The following RYR2 variants were observed in gnomAD, a reference collection of about 807,000 sequenced individuals.
RYR2 encodes the protein cardiac muscle ryanodine receptor-calcium release channel.
Under a neutral mutation model 601.1 loss-of-function variants are expected in RYR2, and 227 were observed. The ratio of observed to expected loss-of-function variants is 0.38; its 90% confidence interval spans 0.34 to 0.42. RYR2 has a LOEUF of 0.42. Among genes scored for constraint, RYR2 ranks in the 10% least tolerant of loss-of-function variants. The probability of loss-of-function intolerance (pLI) is 1.00; values close to 1 mark genes in which losing one functional copy is unlikely to be tolerated. For missense variants in RYR2, 4,646 were observed against 6,156.5 expected, an observed-to-expected ratio of 0.75 and a Z score of 8.21; for synonymous variants, 2,223 against 2,175.1, an observed-to-expected ratio of 1.02 and a Z score of -0.61.
intron 66 of RYR2, among the ~76,000 whole-genome samples, chr1:237,704,261 A>C (rs532727980): frequency 6.6e-6 from 1 of 152,256 alleles, no homozygotes; most frequent in East Asian, 1.9e-4. Flanking sequence ...ATCATCTCTG[A>C]GATAAGAAGG....
At chr1:237,536,131 T>C (rs1168563154) in intron 25 of RYR2, among the ~76,000 whole-genome samples, 1 of 152,204 alleles carries the variant, frequency 6.6e-6, no homozygotes, top group Non-Finnish European at 1.5e-5. Context: ...TAATATTGCA[T>C]AGAAAACTCA....
rs1176542321 is a variant in RYR2 at position 237,786,037 on chromosome 1, G to A, written c.13328+1G>A. The A allele has an allele frequency of 1.3e-6, 2 of 1,566,298 alleles. No individual in the cohort carries two copies. Among genetic ancestry groups the A allele is most frequent in the East Asian group, 2.3e-5 (1 of 43,720 alleles). The stretch of plus-strand genomic sequence containing the variant: ...CCAAATCTGAACCTGAAAAAGCCGA[G>A]TATGTATAGTTTGCATATACTTTTC... On this transcript the variant is annotated splice_donor_variant, in intron 91 of 104. Transcript: ENST00000366574. LOFTEE classifies it high-confidence loss of function.
intron 1 of RYR2, among the ~76,000 whole-genome samples, chr1:237,240,551 T>C (rs1452142912): frequency 6.6e-6 from 1 of 151,628 alleles, no homozygotes; most frequent in Non-Finnish European, 1.5e-5. Flanking sequence ...AAAATGAGCG[T>C]GTTCTACTAG....
Position 237,382,604 on chromosome 1 carries a change from C to A in RYR2, c.577-4677C>A, listed in dbSNP as rs902573218. Among the ~76,000 whole-genome samples the A allele has an allele frequency of 2.7e-5, 4 of 148,038 alleles. No homozygotes were observed. In the South Asian group the frequency reaches 6.5e-4, roughly 24 times the overall value. On this transcript the variant is annotated intron_variant, in intron 8 of 104. Coordinates refer to ENST00000366574, the MANE Select transcript of RYR2 (RefSeq NM_001035.3). ...AAGTGTTCTCATTATTCAATTCCCA[C>A]CTATGAGTGAGAACATTCGGTGTTT...
intron 11 of RYR2, among the ~76,000 whole-genome samples, chr1:237,418,930 A>G (rs1705278990): frequency 6.6e-6 from 1 of 151,696 alleles, no homozygotes; most frequent in Non-Finnish European, 1.5e-5. Flanking sequence ...TATCATAATG[A>G]GATGGAAAAA....
chr1:237,515,109 C>T (rs989987240), intron 24 of RYR2, among the ~76,000 whole-genome samples: 4 of 152,130 alleles, frequency 2.6e-5, no homozygotes, highest in African/African-American at 4.8e-5. Context: ...AGACTTCCAT[C>T]GTCATCTGTG....
At chr1:237,364,474 A>G in intron 5 of RYR2, 102 bp downstream of exon 5, 2 of 524,564 alleles carry the variant, frequency 3.8e-6, no homozygotes, top group African/African-American at 2.0e-5. Context: ...GCTGTATTAT[A>G]TATATGACAG....
chr1:237,138,102 G>T (rs1212701476), intron 1 of RYR2, among the ~76,000 whole-genome samples: 5 of 152,098 alleles, frequency 3.3e-5, no homozygotes, highest in African/African-American at 7.2e-5. Flanking sequence ...CACAATCTCG[G>T]CTTACTGTAG....
chr1:237,208,954 A>ATATATATATATATATATATGTG (rs1682158909), intron 1 of RYR2, among the ~76,000 whole-genome samples: 1 of 93,360 alleles, frequency 1.1e-5, no homozygotes, highest in Non-Finnish European at 2.3e-5. Context: ...ATATATATAT[A>ATATATATATATATATATATGTG]TATATATATA....
At chr1:237,522,453 C>A (rs1243919838) in intron 24 of RYR2, among the ~76,000 whole-genome samples, 2 of 152,194 alleles carry the variant, frequency 1.3e-5, no homozygotes, top group African/African-American at 4.8e-5. Flanking sequence ...TCACTTCTTT[C>A]GAACATGTTG....
intron 48 of RYR2, among the ~76,000 whole-genome samples, chr1:237,647,482 A>G (rs371164679): frequency 8.5e-5 from 13 of 152,348 alleles, no homozygotes; most frequent in African/African-American, 3.1e-4. Context: ...ACTACCAGGC[A>G]TTATCCTTTC....
At chr1:237,470,028 A>T (rs16835279) in intron 17 of RYR2, among the ~76,000 whole-genome samples, 2,312 of 152,258 alleles carry the variant, frequency 0.015, 45 homozygotes, top group African/African-American at 0.052. Flanking sequence ...CCTCAGTGAC[A>T]CCCAAATGAA....
chr1:237,591,711 T>C, intron 31 of RYR2, 28 bp from the exon 32 acceptor site: 1 of 1,542,856 alleles, frequency 6.5e-7, no homozygotes, highest in Non-Finnish European at 8.9e-7. Flanking sequence ...TTAATGTTGC[T>C]TATTGTTAGT....
At chr1:237,061,233 C>A in intron 1 of RYR2, among the ~76,000 whole-genome samples, 1 of 146,830 alleles carries the variant, frequency 6.8e-6, no homozygotes, top group Non-Finnish European at 1.5e-5. Flanking sequence ...ATCTATCTAT[C>A]TATCTATCTA....
In RYR2 at chr1:237,767,584, C is replaced by A. The variant is rs565152573; in HGVS notation, c.11477-3223C>A. Among the ~76,000 whole-genome samples, 3 of 152,224 alleles carry A rather than the reference C, an allele frequency of 2.0e-5. No individual in the cohort carries two copies. In the East Asian group the frequency reaches 5.8e-4, roughly 29 times the overall value. ...AGCTAAGTTACAGGATTATAATAAA[C>A]CTGAATTGAAATGATGAGATAACAT... is the stretch of plus-strand genomic sequence containing the variant. On this transcript the variant is annotated intron_variant, in intron 84 of 104. Transcript: ENST00000366574.
intron 1 of RYR2, among the ~76,000 whole-genome samples, chr1:237,181,138 C>G (rs1406394888): frequency 6.6e-6 from 1 of 151,984 alleles, no homozygotes; most frequent in South Asian, 2.1e-4. Flanking sequence ...CACCTGCCAC[C>G]ATGCCCTGCT....
intron 16 of RYR2, among the ~76,000 whole-genome samples, chr1:237,463,410 C>G (rs1052226217): frequency 6.6e-6 from 1 of 152,022 alleles, no homozygotes; most frequent in East Asian, 1.9e-4. Context: ...TTTTTTTAGT[C>G]TTTTGTGAAA....
chr1:237,688,422 A>G (rs1686636976), intron 63 of RYR2, among the ~76,000 whole-genome samples: 1 of 152,084 alleles, frequency 6.6e-6, no homozygotes, highest in African/African-American at 2.4e-5. Flanking sequence ...ACATATATAT[A>G]TATACACACA....
rs558312961 is a variant in RYR2, at chr1:237,832,668, A to G, written c.*21A>G. 16 of 1,462,578 alleles carry G rather than the reference A, an allele frequency of 1.1e-5. No homozygotes were observed. Among genetic ancestry groups the G allele is most frequent in the East Asian group, 2.3e-5 (1 of 43,868 alleles). 90.6% of individuals were successfully genotyped at this position (1,462,578 alleles called of 1,614,324 possible). ...ATTAAACTCAGACCCAATCACCTCT[A>G]AAAACCAAAACCCTACCCCTCTCTC... On this transcript the variant is annotated 3_prime_UTR_variant, in exon 105 of 105. Transcript: ENST00000366574.
Sources: gnomAD v4.1 joint callset for allele counts (sites outside exome capture counted in the v4.1 genomes callset) on GRCh38, gnomAD v4.1.1 for gene constraint, MANE v1.5 for transcripts, NCBI Gene and HGNC (gene_info 2026-07-23, HGNC 2026-07-21) for gene names.